The following CYP4F22 variants were observed in gnomAD, a reference collection of about 807,000 sequenced individuals.
CYP4F22 encodes the protein cytochrome P450 family 4 subfamily F member 22, also known as ultra-long-chain fatty acid omega-hydroxylase.
Under a neutral mutation model 60.4 loss-of-function variants are expected in CYP4F22, and 37 were observed. The ratio of observed to expected loss-of-function variants is 0.61; its 90% CI spans 0.47 to 0.81. The LOEUF is 0.81. Among genes scored for constraint, CYP4F22 ranks in the 30% least tolerant of loss-of-function variants. The probability of loss-of-function intolerance (pLI) is 0.00; values close to 1 mark genes in which losing one functional copy is unlikely to be tolerated. For missense variants in CYP4F22, 655 were observed against 715.0 expected (o/e 0.92, Z 0.96); for synonymous variants, 258 against 280.5 (o/e 0.92, Z 0.80).
intron 8 of CYP4F22, among the ~76,000 whole-genome samples, chr19:15,542,038 T>G (rs1227311571): frequency 6.6e-6 from 1 of 152,124 alleles, no homozygotes; most frequent in Non-Finnish European, 1.5e-5. Flanking sequence ...TCATTGACTC[T>G]TCTTCCCAAG....
intron 1 of CYP4F22, chr19:15,516,690 G>T (rs879238072): frequency 1.9e-6 from 1 of 512,876 alleles, no homozygotes; most frequent in Non-Finnish European, 3.6e-6. Flanking sequence ...GAGGAGCAAT[G>T]GATAAGAGAT....
chr19:15,550,860 C>T (rs757199562), intron 13 of CYP4F22, 104 bp downstream of exon 13: 2 of 1,401,144 alleles, frequency 1.4e-6, no homozygotes, highest in Non-Finnish European at 1.0e-6. Context: ...GGCACCCAGG[C>T]GTCCTTTCTG....
At chr19:15,509,749 TG>T (rs1416133278) in intron 1 of CYP4F22, among the ~76,000 whole-genome samples, 2 of 152,092 alleles carry the variant, frequency 1.3e-5, no homozygotes, top group Non-Finnish European at 2.9e-5. Context: ...CTTGGGTTTC[TG>T]AACAGTAACA....
chr19:15,538,078 G>C, intron 7 of CYP4F22, 85 bp downstream of exon 7: 1 of 1,587,822 alleles, frequency 6.3e-7, no homozygotes, highest in Non-Finnish European at 8.6e-7. Flanking sequence ...CCAGGCATTA[G>C]ACAACTCTGG....
chr19:15,537,705 A>G, intron 6 of CYP4F22, 43 bp downstream of exon 6: 1 of 1,607,686 alleles, frequency 6.2e-7, no homozygotes, highest in Non-Finnish European at 8.5e-7. Flanking sequence ...CTTGGGAGTG[A>G]GGCTGGTCCA....
At chr19:15,538,798 T>TAGTA (rs1971427996) in intron 7 of CYP4F22, among the ~76,000 whole-genome samples, 1 of 152,234 alleles carries the variant, frequency 6.6e-6, no homozygotes, top group Admixed American at 6.5e-5. Flanking sequence ...ACTGAGTGCC[T>TAGTA]AGTAAGTGCC....
intron 1 of CYP4F22, among the ~76,000 whole-genome samples, chr19:15,513,351 ATATATATATATTTTTTTTTTTTTT>A (rs1363571634): frequency 7.1e-4 from 54 of 76,542 alleles, no homozygotes; most frequent in African/African-American, 3.2e-3. Flanking sequence ...AATTTTTTGT[ATATATATATATTTTTTTTTTTTTT>A]TTTTTTTGAG....
At chr19:15,534,369 G>T (rs984400365) in intron 4 of CYP4F22, among the ~76,000 whole-genome samples, 9 of 152,158 alleles carry the variant, frequency 5.9e-5, no homozygotes, top group South Asian at 2.1e-4. Flanking sequence ...CAAACATAGT[G>T]ATATGCAGCT....
intron 1 of CYP4F22, among the ~76,000 whole-genome samples, chr19:15,511,992 G>C (rs1296890310): frequency 6.6e-6 from 1 of 152,198 alleles, no homozygotes; most frequent in Non-Finnish European, 1.5e-5. Context: ...ATGAGATCGG[G>C]GGCCGGTGTA....
At chr19:15,540,396 C>T (rs1371338952) in intron 7 of CYP4F22, 54 bp from the exon 8 acceptor site, 3 of 1,612,070 alleles carry the variant, frequency 1.9e-6, no homozygotes, top group African/African-American at 1.3e-5. Flanking sequence ...CAAGCCAGGG[C>T]TGTGCTATGC....
rs750775216 is a variant in CYP4F22, at chr19:15,525,425, T to C, written c.89T>C (p.Phe30Ser). The C allele has an allele frequency of 1.9e-6, 3 of 1,614,174 alleles. No homozygotes were observed. Among genetic ancestry groups the C allele is most frequent in the Non-Finnish European group, 2.5e-6 (3 of 1,180,034 alleles). ...TACGCGGTGTCCACCCTTCTCCTCT[T>C]CCTGCTCTTCTTCCTGTTCCGCCTG... Reference protein sequence around the residue: ...RIYAVSTLLLFLLFFLFRLLL... With the variant: ...RIYAVSTLLLSLLFFLFRLLL... Residue 30 changes from phenylalanine (F) to serine (S), a missense_variant, in exon 3 of 14, where the codon TTC becomes TCC. Physicochemically the swap from Phe to Ser is radical, Grantham distance 155. Transcript: ENST00000269703.
intron 7 of CYP4F22, among the ~76,000 whole-genome samples, chr19:15,539,090 G>A (rs1568360895): frequency 6.6e-6 from 1 of 152,132 alleles, no homozygotes; most frequent in Non-Finnish European, 1.5e-5. Flanking sequence ...CACCTGAACT[G>A]CTTTTAGTAT....
At chr19:15,517,858 T>A (rs545601445) in intron 1 of CYP4F22, among the ~76,000 whole-genome samples, 23 of 152,030 alleles carry the variant, frequency 1.5e-4, no homozygotes, top group African/African-American at 5.5e-4. Flanking sequence ...TGGGCACAGC[T>A]GAGGAAAGGA....
At chr19:15,545,692 G>GAAAAAAAAAAAAAAAA in intron 10 of CYP4F22, among the ~76,000 whole-genome samples, 1 of 38,012 alleles carries the variant, frequency 2.6e-5, no homozygotes, top group Non-Finnish European at 4.8e-5. Flanking sequence ...GAAAAGAAAA[G>GAAAAAAAAAAAAAAAA]AAGAAAAACA....
chr19:15,538,052 A>C, intron 7 of CYP4F22, 59 bp downstream of exon 7: 4 of 1,610,206 alleles, frequency 2.5e-6, no homozygotes, highest in Non-Finnish European at 3.4e-6. Context: ...AGATGGTGGC[A>C]GGAGAAAGGG....
chr19:15,549,306 C>T, intron 12 of CYP4F22, 104 bp downstream of exon 12: 2 of 1,095,288 alleles, frequency 1.8e-6, no homozygotes, highest in East Asian at 4.8e-5. Context: ...GCGCACACCC[C>T]TCCCCACTCC....
intron 7 of CYP4F22, 120 bp downstream of exon 7, chr19:15,538,113 G>A (rs1157548860): frequency 5.8e-6 from 8 of 1,387,798 alleles, no homozygotes; most frequent in South Asian, 1.2e-5. Context: ...GCCACGGATG[G>A]GCCATGTGCT....
intron 4 of CYP4F22, among the ~76,000 whole-genome samples, chr19:15,536,012 AGAGCACGTGGTCTTTTTAAG>A (rs1257035442): frequency 6.6e-6 from 1 of 152,130 alleles, no homozygotes; most frequent in Non-Finnish European, 1.5e-5. Flanking sequence ...CAGAGAAGAG[AGAGCACGTGGTCTTTTTAAG>A]GAGCTGAGAA....
chr19:15,533,271 A>G (rs1409388077), intron 4 of CYP4F22, among the ~76,000 whole-genome samples: 2 of 152,250 alleles, frequency 1.3e-5, no homozygotes, highest in African/African-American at 2.4e-5. Context: ...CATGTAACAT[A>G]TAATTAACCA....
Sources: allele counts gnomAD v4.1 joint callset (sites outside exome capture counted in the v4.1 genomes callset), GRCh38; gene constraint gnomAD v4.1.1; transcripts MANE v1.5; gene names NCBI Gene and HGNC (gene_info 2026-07-23, HGNC 2026-07-21).